The following ADAMTSL1 variants were observed in gnomAD, a reference collection of about 807,000 sequenced individuals.
The protein encoded by ADAMTSL1 is ADAMTS-like protein 1.
ADAMTSL1 carries 126 observed loss-of-function variants against 201.8 expected under a neutral mutation model. That is an observed-to-expected ratio of 0.62 (90% CI 0.54 to 0.72). The LOEUF (loss-of-function observed/expected upper bound fraction) is 0.72, where lower values mean the gene tolerates loss of function less well. ADAMTSL1 is among the 30% of genes least tolerant of loss of function. The probability of loss-of-function intolerance (pLI) is 0.00; values close to 1 mark genes in which losing one functional copy is unlikely to be tolerated. For missense variants in ADAMTSL1, 2,679 were observed against 2,277.8 expected (o/e 1.18, Z -3.59); for synonymous variants, 1,121 against 903.4 (o/e 1.24, Z -4.32).
chr9:18,395,725 C>G (rs116053080), intron 2 of ADAMTSL1, among the ~76,000 whole-genome samples: 75 of 152,250 alleles, frequency 4.9e-4, no homozygotes, highest in African/African-American at 1.6e-3. Context: ...TTGAAACTGA[C>G]TGGTGATGAA....
At chr9:18,179,277 C>T (rs529368981) in intron 2 of ADAMTSL1, among the ~76,000 whole-genome samples, 5 of 151,854 alleles carry the variant, frequency 3.3e-5, no homozygotes, top group African/African-American at 2.4e-5. Context: ...AGGGTATCAG[C>T]GATGGAAGAT....
chr9:18,030,200 T>C (rs1357999902), intron 1 of ADAMTSL1, among the ~76,000 whole-genome samples: 1 of 152,230 alleles, frequency 6.6e-6, no homozygotes, highest in East Asian at 1.9e-4. Flanking sequence ...ATATACACCA[T>C]GGAATACTAT....
intron 1 of ADAMTSL1, among the ~76,000 whole-genome samples, chr9:18,056,758 C>A (rs1822207615): frequency 6.6e-6 from 1 of 152,168 alleles, no homozygotes; most frequent in African/African-American, 2.4e-5. Context: ...CGTCCTGCTA[C>A]ATTTCCCCAG....
intron 23 of ADAMTSL1, among the ~76,000 whole-genome samples, chr9:18,857,954 C>T (rs1826967334): frequency 6.6e-6 from 1 of 152,116 alleles, no homozygotes; most frequent in Non-Finnish European, 1.5e-5. Context: ...TGAACTTTCC[C>T]TGCTCCAGCC....
chr9:18,780,076 C>T (rs1171316724), intron 19 of ADAMTSL1, among the ~76,000 whole-genome samples: 1 of 152,148 alleles, frequency 6.6e-6, no homozygotes, highest in Non-Finnish European at 1.5e-5. Context: ...ACATTGAGCC[C>T]CTGGATTAGA....
At chr9:18,512,386 C>T (rs535464463) in intron 2 of ADAMTSL1, among the ~76,000 whole-genome samples, 79 of 152,028 alleles carry the variant, frequency 5.2e-4, no homozygotes, top group Non-Finnish European at 9.3e-4. Context: ...TTGTCCATAA[C>T]ATTTACTTGC....
chr9:17,946,614 A>T (rs1827497290), intron 1 of ADAMTSL1, among the ~76,000 whole-genome samples: 1 of 152,112 alleles, frequency 6.6e-6, no homozygotes. Context: ...AAAAATAGGA[A>T]TTCTTTAGGA....
intron 2 of ADAMTSL1, among the ~76,000 whole-genome samples, chr9:18,344,496 T>A (rs924954266): frequency 6.6e-6 from 1 of 152,134 alleles, no homozygotes; most frequent in African/African-American, 2.4e-5. Context: ...CATATCTATA[T>A]GTATCTTTTA....
At chr9:18,830,073 G>A (rs1461769905) in intron 23 of ADAMTSL1, 96 bp downstream of exon 23, 29 of 1,469,420 alleles carry the variant, frequency 2.0e-5, no homozygotes, top group Middle Eastern at 1.8e-4. Context: ...GGCAGCAGTC[G>A]GGGGTGGCCA....
intron 2 of ADAMTSL1, among the ~76,000 whole-genome samples, chr9:18,255,739 A>C (rs941104730): frequency 2.1e-4 from 32 of 152,268 alleles, no homozygotes; most frequent in African/African-American, 7.2e-4. Flanking sequence ...ATTTGGATGC[A>C]ATTCATCGTT....
rs181397963 is a variant in ADAMTSL1, at chr9:18,248,064, G to C, written c.207+84083G>C. The stretch of plus-strand genomic sequence containing the variant: ...TTTCTCATTTGTGTACTGGCTGGGT[G>C]TATTTTAGTTACCAGGAAACCTATC... On this transcript the variant is annotated intron_variant, in intron 2 of 29. Coordinates refer to the ADAMTSL1 transcript ENST00000680146. Among the ~76,000 whole-genome samples, 78 of 152,252 alleles carry C rather than the reference G, an allele frequency of 5.1e-4. 1 individual carries two copies. Among genetic ancestry groups the C allele is most frequent in the African/African-American group, 1.8e-3 (73 of 41,532 alleles).
intron 2 of ADAMTSL1, among the ~76,000 whole-genome samples, chr9:18,325,732 A>T (rs1342522876): frequency 1.3e-5 from 2 of 151,330 alleles, no homozygotes; most frequent in Non-Finnish European, 2.9e-5. Flanking sequence ...AGCCTCTTTT[A>T]AAAGGACCTT....
At chr9:18,082,803 G>C (rs1215562784) in intron 1 of ADAMTSL1, among the ~76,000 whole-genome samples, 1 of 152,168 alleles carries the variant, frequency 6.6e-6, no homozygotes, top group Non-Finnish European at 1.5e-5. Flanking sequence ...AAGAAGTAGA[G>C]AGTTTAAGGG....
chr9:18,600,391 T>A (rs189370414), intron 4 of ADAMTSL1, among the ~76,000 whole-genome samples: 59 of 152,314 alleles, frequency 3.9e-4, no homozygotes, highest in African/African-American at 1.4e-3. Flanking sequence ...AACTTGTGAG[T>A]GACTGAATTA....
At chr9:17,908,077 G>A (rs1036801202) in intron 1 of ADAMTSL1, among the ~76,000 whole-genome samples, 1 of 152,150 alleles carries the variant, frequency 6.6e-6, no homozygotes, top group Middle Eastern at 3.2e-3. Flanking sequence ...ACTTCTAGAG[G>A]CTGAGAGAGG....
At chr9:18,033,418 C>G (rs534586441) in intron 1 of ADAMTSL1, among the ~76,000 whole-genome samples, 3 of 152,168 alleles carry the variant, frequency 2.0e-5, no homozygotes, top group African/African-American at 7.2e-5. Context: ...CTAAAGTTTA[C>G]TAAGTTGCTG....
chr9:17,965,969 T>C (rs982072681), intron 1 of ADAMTSL1, among the ~76,000 whole-genome samples: 1 of 152,166 alleles, frequency 6.6e-6, no homozygotes, highest in Admixed American at 6.5e-5. Context: ...ACTTTGTTCT[T>C]CTCCTGCCAA....
chr9:18,494,781 A>T (rs1387287701), intron 1 of ADAMTSL1, among the ~76,000 whole-genome samples: 1 of 152,226 alleles, frequency 6.6e-6, no homozygotes, highest in African/African-American at 2.4e-5. Context: ...TATAACACAC[A>T]TATGCTCAAA....
Position 18,519,245 on chromosome 9 carries a change from T to C in ADAMTSL1, c.192-14002T>C, listed in dbSNP as rs1275581423. On this transcript the variant is annotated intron_variant, in intron 2 of 28. Transcript: ENST00000380548. The stretch of plus-strand genomic sequence containing the variant: ...TCAGTGTTATGGTCTCAGGTTTTAT[T>C]TTCCTTTTCTTTAAACCTTCTTGCC... Among the ~76,000 whole-genome samples, 4 of 152,348 alleles carry C rather than the reference T, an allele frequency of 2.6e-5. No homozygotes were observed. The East Asian group carries it at 5.8e-4, about 22-fold the overall frequency.
Sources: allele counts gnomAD v4.1 joint callset (sites outside exome capture counted in the v4.1 genomes callset), GRCh38; gene constraint gnomAD v4.1.1; transcripts MANE v1.5; gene names NCBI Gene and HGNC (gene_info 2026-07-23, HGNC 2026-07-21).